The following PPP1R1C variants were observed in gnomAD, a reference collection of about 807,000 sequenced individuals.
PPP1R1C encodes the protein protein phosphatase 1 regulatory inhibitor subunit 1C.
Under a neutral mutation model 17.4 loss-of-function variants are expected in PPP1R1C, and 15 were observed. The observed-to-expected ratio is 0.86, with a 90% CI of 0.58 to 1.33. The LOEUF (loss-of-function observed/expected upper bound fraction) is 1.33. PPP1R1C is among the 40% of genes most tolerant of loss of function. The pLI is 0.00. For synonymous variants in PPP1R1C, 35 were observed against 43.1 expected, an observed-to-expected ratio of 0.81 and a Z score of 0.73; for missense variants, 143 against 130.0, an observed-to-expected ratio of 1.10 and a Z score of -0.48.
At chr2:181,974,650 A>G (rs911167603) in intron 1 of PPP1R1C, among the ~76,000 whole-genome samples, 1 of 152,178 alleles carries the variant, frequency 6.6e-6, no homozygotes, top group African/African-American at 2.4e-5. Context: ...CAATTGTGCT[A>G]TGTGATTTTC....
At chr2:182,107,873 A>G (rs1186989471) in intron 4 of PPP1R1C, among the ~76,000 whole-genome samples, 1 of 151,758 alleles carries the variant, frequency 6.6e-6, no homozygotes, top group East Asian at 1.9e-4. Context: ...GTTCCTTTTC[A>G]TAGCCTGCCT....
intron 4 of PPP1R1C, among the ~76,000 whole-genome samples, chr2:182,098,249 T>C (rs567475217): frequency 6.6e-6 from 1 of 152,204 alleles, no homozygotes; most frequent in East Asian, 1.9e-4. Context: ...GCATTTGTAC[T>C]TGTAGAAATA....
intron 1 of PPP1R1C, among the ~76,000 whole-genome samples, chr2:181,968,135 T>A (rs934089933): frequency 6.6e-6 from 1 of 152,236 alleles, no homozygotes; most frequent in African/African-American, 2.4e-5. Flanking sequence ...ATCTTGAGAA[T>A]GATTCAGGTG....
At chr2:181,990,103 T>C (rs1358126605) in intron 2 of PPP1R1C, among the ~76,000 whole-genome samples, 1 of 151,750 alleles carries the variant, frequency 6.6e-6, no homozygotes, top group East Asian at 1.9e-4. Flanking sequence ...ACTAGCCATG[T>C]GATGTGATCT....
At chr2:182,071,704 T>C (rs1004420678) in intron 4 of PPP1R1C, among the ~76,000 whole-genome samples, 1 of 152,220 alleles carries the variant, frequency 6.6e-6, no homozygotes, top group African/African-American at 2.4e-5. Context: ...CATTGATTTA[T>C]CTGTTCATTT....
chr2:182,099,501 G>T (rs1689039226), intron 4 of PPP1R1C, among the ~76,000 whole-genome samples: 1 of 152,132 alleles, frequency 6.6e-6, no homozygotes. Context: ...CCTAGAATTG[G>T]CTGTGACCAT....
At chr2:182,007,173 A>G (rs1341574791) in intron 2 of PPP1R1C, among the ~76,000 whole-genome samples, 2 of 152,134 alleles carry the variant, frequency 1.3e-5, no homozygotes, top group Non-Finnish European at 2.9e-5. Context: ...GTTTGATAAG[A>G]TGACATTCTT....
intron 2 of PPP1R1C, among the ~76,000 whole-genome samples, chr2:182,037,743 A>T (rs530992321): frequency 6.6e-6 from 1 of 152,306 alleles, no homozygotes; most frequent in East Asian, 1.9e-4. Context: ...GAAACTATGA[A>T]CTGTTAATTT....
intron 5 of PPP1R1C, among the ~76,000 whole-genome samples, chr2:182,124,645 C>A (rs1425543555): frequency 6.6e-6 from 1 of 151,876 alleles, no homozygotes; most frequent in East Asian, 1.9e-4. Flanking sequence ...AGGTGTTTTA[C>A]TATCTTTGTA....
At chr2:182,026,463 G>A (rs1401545980) in intron 2 of PPP1R1C, among the ~76,000 whole-genome samples, 1 of 136,280 alleles carries the variant, frequency 7.3e-6, no homozygotes, top group Admixed American at 7.3e-5. Flanking sequence ...TTATTAAATA[G>A]GGAATCCTTT....
At chr2:182,073,079 G>A (rs987171862) in intron 4 of PPP1R1C, among the ~76,000 whole-genome samples, 6 of 146,360 alleles carry the variant, frequency 4.1e-5, no homozygotes, top group South Asian at 2.2e-4. Context: ...AAAATAATAC[G>A]TGGTTTCTGG....
rs1684933043 is a variant in PPP1R1C at position 181,967,857 on chromosome 2, A to G, written n.112-7362A>G. On this transcript the variant is annotated intron_variant and non_coding_transcript_variant, in intron 1 of 5. Transcript: ENST00000464264. This position sits in a 1 kb window ranked among gnomAD's most constrained non-coding sequence, Gnocchi z 5.5. ...CAGCCTCCAGAGTAGCTGGGATTAC[A>G]GGCACGAGCCACCATGCCTGGCTAA... 6.6e-6 allele frequency among the ~76,000 whole-genome samples: 1 copy of G among 152,144 alleles called. No homozygotes were observed. The highest frequency in any genetic ancestry group is 1.5e-5 in the Non-Finnish European group (1 of 68,028).
chr2:182,122,598 C>G (rs181261853), downstream of PPP1R1C, among the ~76,000 whole-genome samples: 1 of 152,120 alleles, frequency 6.6e-6, no homozygotes, highest in Non-Finnish European at 1.5e-5. Context: ...GCTAGCTAAC[C>G]ACTTTGGCTC....
intron 2 of PPP1R1C, among the ~76,000 whole-genome samples, chr2:181,989,151 C>T (rs1263990252): frequency 1.3e-5 from 2 of 152,168 alleles, no homozygotes; most frequent in African/African-American, 4.8e-5. Context: ...TGTCCTAAAA[C>T]TTTCCTCCCT....
At chr2:182,036,114 A>T (rs1392412493) in intron 2 of PPP1R1C, among the ~76,000 whole-genome samples, 1 of 152,196 alleles carries the variant, frequency 6.6e-6, no homozygotes. Context: ...CTGAAACTAC[A>T]AATTCAACCT....
intron 2 of PPP1R1C, among the ~76,000 whole-genome samples, chr2:182,047,540 A>C (rs1365218207): frequency 6.6e-6 from 1 of 152,200 alleles, no homozygotes; most frequent in Non-Finnish European, 1.5e-5. Flanking sequence ...TCCCCAAAGA[A>C]AACCCATCCA....
intron 4 of PPP1R1C, among the ~76,000 whole-genome samples, chr2:182,090,297 G>GTGTGTGTGTGTGTGTC (rs1559088752): frequency 6.6e-6 from 1 of 151,750 alleles, no homozygotes; most frequent in Non-Finnish European, 1.5e-5. Flanking sequence ...TTCTGTGTGT[G>GTGTGTGTGTGTGTGTC]TGTGTGTGTG....
At chr2:182,111,368 G>T (rs950335398) in intron 4 of PPP1R1C, among the ~76,000 whole-genome samples, 2 of 152,162 alleles carry the variant, frequency 1.3e-5, no homozygotes, top group Non-Finnish European at 2.9e-5. Context: ...AAAGGATCAT[G>T]TGTTGATTTG....
At chr2:182,014,985 G>C (rs1197252962) in intron 2 of PPP1R1C, among the ~76,000 whole-genome samples, 1 of 152,016 alleles carries the variant, frequency 6.6e-6, no homozygotes, top group Admixed American at 6.5e-5. Context: ...CGGAAATGCT[G>C]TCCAGAAGCC....
Sources: allele counts gnomAD v4.1 joint callset (sites outside exome capture counted in the v4.1 genomes callset), GRCh38; gene constraint gnomAD v4.1.1; non-coding constraint Gnocchi (gnomAD v3.1); transcripts MANE v1.5; gene names NCBI Gene and HGNC (gene_info 2026-07-23, HGNC 2026-07-21).